The following GLRB variants were observed in gnomAD, a reference collection of about 807,000 sequenced individuals.
The protein encoded by GLRB is glycine receptor subunit beta.
Under a neutral mutation model 54.2 loss-of-function variants are expected in GLRB, and 33 were observed. That is an observed-to-expected ratio of 0.61 (90% CI 0.46 to 0.81). GLRB has a LOEUF of 0.81. GLRB is among the 40% of genes least tolerant of loss of function. The probability of loss-of-function intolerance (pLI) is 0.00; values close to 1 mark genes in which losing one functional copy is unlikely to be tolerated. For synonymous variants in GLRB, 209 were observed against 208.2 expected (o/e 1.00, Z -0.03); for missense variants, 572 against 584.6 (o/e 0.98, Z 0.22).
At chr4:157,146,830 C>T (rs1030306510) in intron 8 of GLRB, among the ~76,000 whole-genome samples, 1 of 150,348 alleles carries the variant, frequency 6.7e-6, no homozygotes, top group Non-Finnish European at 1.5e-5. Context: ...CCCACCTCCC[C>T]CCGCAAAAAA....
At chr4:157,090,742 G>A (rs1734580604) in intron 2 of GLRB, among the ~76,000 whole-genome samples, 1 of 151,982 alleles carries the variant, frequency 6.6e-6, no homozygotes, top group African/African-American at 2.4e-5. Flanking sequence ...GATTCTCTGG[G>A]TTTTGCATTT....
intron 9 of GLRB, among the ~76,000 whole-genome samples, chr4:157,169,396 A>T (rs1478058599): frequency 6.6e-6 from 1 of 152,102 alleles, no homozygotes; most frequent in Non-Finnish European, 1.5e-5. Flanking sequence ...TACTCCTCTA[A>T]TCTAAGAGCA....
chr4:157,150,038 T>G (rs1245011465), intron 8 of GLRB, among the ~76,000 whole-genome samples: 1 of 152,078 alleles, frequency 6.6e-6, no homozygotes, highest in East Asian at 1.9e-4. Context: ...GTATATATCT[T>G]GAAAAATTGA....
chr4:157,136,453 T>C lies in GLRB; in HGVS notation c.298-16T>C, dbSNP rs762232238. 2.2e-6 allele frequency: 3 copies of C among 1,378,210 alleles called. No homozygotes were observed. Among genetic ancestry groups the C allele is most frequent in the Non-Finnish European group, 2.1e-6 (2 of 964,832 alleles). The allele number at this position is 1,378,210 out of a possible 1,614,324, so 85.4% of individuals were successfully genotyped here. A position where few individuals can be genotyped will look rare whatever the true frequency, so the allele number is the denominator to read the frequency against. On this transcript the variant is annotated splice_polypyrimidine_tract_variant and intron_variant, in intron 4 of 9. Transcript: ENST00000264428. ...CAATAAACATACACATGTGCACGCA[T>C]GTACTTTTTCTTCAGGACTATAGAG...
intron 7 of GLRB, among the ~76,000 whole-genome samples, chr4:157,140,885 A>G (rs1382963155): frequency 6.6e-6 from 1 of 151,900 alleles, no homozygotes; most frequent in Non-Finnish European, 1.5e-5. Flanking sequence ...TTTATTTGTA[A>G]TTTTATGTAA....
Position 157,136,691 on chromosome 4 carries a change from A to T in GLRB, c.520A>T (p.Ser174Cys). The change falls in exon 5 of 10, where the codon AGC becomes TGC. Residue 174 changes from serine (S) to cysteine (C), a missense_variant. By Grantham distance (112) the Ser-to-Cys change is moderately radical. Coordinates refer to ENST00000264428, the MANE Select transcript of GLRB (RefSeq NM_000824.5). ...FIFRDGDVLV[S>C]MRLSITLSCP... ...TTTTCGTGATGGAGATGTCCTTGTC[A>T]GCATGAGGTACTCTTTTATATTTCA... The T allele has an allele frequency of 1.3e-6, 2 of 1,580,118 alleles. No individual in the cohort carries two copies. The highest frequency in any genetic ancestry group is 1.7e-6 in the Non-Finnish European group (2 of 1,149,146).
chr4:157,080,492 ATTAAGAACT>A (rs1448300737), intron 2 of GLRB, among the ~76,000 whole-genome samples: 1 of 152,166 alleles, frequency 6.6e-6, no homozygotes, highest in Non-Finnish European at 1.5e-5. Context: ...TTGTCACTGA[ATTAAGAACT>A]TTAGAAGACT....
At chr4:157,114,735 A>G (rs1735544308) in intron 2 of GLRB, among the ~76,000 whole-genome samples, 1 of 151,758 alleles carries the variant, frequency 6.6e-6, no homozygotes, top group African/African-American at 2.4e-5. Context: ...TGTCCTTCAG[A>G]TGGGATTTAT....
intron 2 of GLRB, among the ~76,000 whole-genome samples, chr4:157,081,591 C>A (rs1734224433): frequency 6.6e-6 from 1 of 152,158 alleles, no homozygotes; most frequent in Non-Finnish European, 1.5e-5. Flanking sequence ...CCATCTCTTT[C>A]TACCTTAGCT....
chr4:157,123,122 G>A (rs1294317398), intron 4 of GLRB, among the ~76,000 whole-genome samples: 7 of 151,718 alleles, frequency 4.6e-5, no homozygotes, highest in Admixed American at 4.6e-4. Flanking sequence ...TGCTTACTAA[G>A]GTTTTAGAAT....
At chr4:157,155,821 T>C (rs113502448) in intron 9 of GLRB, among the ~76,000 whole-genome samples, 1 of 152,166 alleles carries the variant, frequency 6.6e-6, no homozygotes, top group Non-Finnish European at 1.5e-5. Context: ...GTTGAAAATA[T>C]AGATGTATGT....
In GLRB at chr4:157,152,994, A is replaced by G. The variant is rs201823510; in HGVS notation, c.1181A>G (p.His394Arg). The change falls in exon 9 of 10, where the codon CAT becomes CGT. Residue 394 changes from histidine to arginine, a missense_variant. Physicochemically the swap from His to Arg is conservative, Grantham distance 29. Coordinates refer to ENST00000264428, the MANE Select transcript of GLRB (RefSeq NM_000824.5). ...NTVNGTGTPV[H>R]ISTLQVGETR... is the part of the protein sequence containing the mutation. ...GTGAATGGAACAGGGACTCCTGTTC[A>G]TATTAGCACTTTGCAGGTAAGGATA... 5.0e-6 allele frequency: 8 copies of G among 1,612,596 alleles called. No homozygotes were observed. Among genetic ancestry groups the G allele is most frequent in the African/African-American group, 2.7e-5 (2 of 75,026 alleles).
intron 9 of GLRB, among the ~76,000 whole-genome samples, chr4:157,153,884 C>A (rs1025660420): frequency 6.6e-6 from 1 of 152,168 alleles, no homozygotes; most frequent in African/African-American, 2.4e-5. Context: ...ATTGCTCTAT[C>A]AGTTTGTTAA....
intron 9 of GLRB, among the ~76,000 whole-genome samples, chr4:157,160,060 G>A (rs1432499038): frequency 3.3e-5 from 5 of 152,094 alleles, no homozygotes; most frequent in Admixed American, 1.3e-4. Flanking sequence ...GTTTAGCCTT[G>A]GGAGGGTGTG....
intron 2 of GLRB, among the ~76,000 whole-genome samples, chr4:157,085,021 T>C (rs1046865127): frequency 2.0e-5 from 3 of 152,194 alleles, no homozygotes; most frequent in Non-Finnish European, 1.5e-5. Flanking sequence ...TTTTCACTGA[T>C]GTTTAGTTAT....
intron 9 of GLRB, among the ~76,000 whole-genome samples, chr4:157,164,611 A>G (rs139147393): frequency 4.0e-4 from 61 of 152,320 alleles, no homozygotes; most frequent in African/African-American, 1.4e-3. Flanking sequence ...TGTAGTAACA[A>G]TACTAATAAG....
chr4:157,145,561 G>A (rs866153416), intron 8 of GLRB, among the ~76,000 whole-genome samples: 80 of 152,062 alleles, frequency 5.3e-4, no homozygotes, highest in Admixed American at 1.7e-3. Flanking sequence ...TATGTGTTAG[G>A]TACTATTAAA....
chr4:157,124,298 A>G (rs1339857708), intron 4 of GLRB, among the ~76,000 whole-genome samples: 1 of 151,682 alleles, frequency 6.6e-6, no homozygotes, highest in South Asian at 2.1e-4. Flanking sequence ...AGAAATTTTC[A>G]TGGCTATTCT....
chr4:157,134,855 T>A (rs553646104), intron 4 of GLRB, among the ~76,000 whole-genome samples: 1 of 152,028 alleles, frequency 6.6e-6, no homozygotes, highest in South Asian at 2.1e-4. Flanking sequence ...AGAGAAATTG[T>A]TAATGCAATT....
Sources: gnomAD v4.1 joint callset for allele counts (sites outside exome capture counted in the v4.1 genomes callset) on GRCh38, gnomAD v4.1.1 for gene constraint, MANE v1.5 for transcripts, NCBI Gene and HGNC (gene_info 2026-07-23, HGNC 2026-07-21) for gene names.